Variants in GRIK2 observed in about 807,000 individuals in gnomAD.
GRIK2 encodes glutamate ionotropic receptor kainate type subunit 2, also known as glutamate receptor ionotropic, kainate 2.
In GRIK2, 32 loss-of-function variants were observed where a neutral mutation model predicts 100.3. That is an observed-to-expected ratio of 0.32 (90% CI 0.24 to 0.43). The LOEUF is 0.43. Among genes scored for constraint, GRIK2 ranks in the 20% least tolerant of loss-of-function variants. The pLI is 1.00. For synonymous variants in GRIK2, 417 were observed against 389.4 expected (o/e 1.07, Z -0.83); for missense variants, 843 against 1,114.9 (o/e 0.76, Z 3.47).
At chr6:101,802,529 AT>A (rs1012089928) in intron 9 of GRIK2, 91 bp downstream of exon 9, 2 of 468,726 alleles carry the variant, frequency 4.3e-6, no homozygotes, top group African/African-American at 2.0e-5. Context: ...TTTCATTGAC[AT>A]TTAACTTTAT....
chr6:101,995,458 C>T (rs979996548), intron 14 of GRIK2, among the ~76,000 whole-genome samples: 4 of 151,828 alleles, frequency 2.6e-5, no homozygotes, highest in South Asian at 2.1e-4. Flanking sequence ...AAACTCTTGA[C>T]ATTAATGATA....
intron 2 of GRIK2, among the ~76,000 whole-genome samples, chr6:101,433,178 G>A (rs779495282): frequency 2.0e-5 from 3 of 152,222 alleles, no homozygotes; most frequent in East Asian, 1.9e-4. Context: ...TCTTGTTGCC[G>A]TTGTGAGAAT....
chr6:102,065,579 G>A (rs1342519174), intron 16 of GRIK2, among the ~76,000 whole-genome samples: 1 of 151,288 alleles, frequency 6.6e-6, no homozygotes, highest in Non-Finnish European at 1.5e-5. Flanking sequence ...ACTCTATTCT[G>A]TTTTGAAAGT....
chr6:101,605,476 A>T (rs9404123), intron 2 of GRIK2, among the ~76,000 whole-genome samples: 36,177 of 151,732 alleles, frequency 0.24, 4,755 homozygotes, highest in African/African-American at 0.34. Flanking sequence ...TTAAAATAAA[A>T]TAAAGCTTAA....
intron 7 of GRIK2, among the ~76,000 whole-genome samples, chr6:101,720,437 T>C (rs142522207): frequency 1.3e-5 from 2 of 152,074 alleles, no homozygotes; most frequent in Non-Finnish European, 2.9e-5. Context: ...TTGTTTCTTC[T>C]TAAATATTCA....
At chr6:101,514,551 A>C (rs1774486129) in intron 2 of GRIK2, among the ~76,000 whole-genome samples, 1 of 152,136 alleles carries the variant, frequency 6.6e-6, no homozygotes, top group African/African-American at 2.4e-5. Context: ...GGTTAATAGT[A>C]AAAAGCAAAA....
chr6:101,671,526 C>T (rs893541934), intron 4 of GRIK2, among the ~76,000 whole-genome samples: 3 of 152,024 alleles, frequency 2.0e-5, no homozygotes, highest in Non-Finnish European at 2.9e-5. Context: ...TGTCCTGTAA[C>T]GTCTGGAACA....
chr6:101,582,842 G>C (rs1778167174), intron 2 of GRIK2, among the ~76,000 whole-genome samples: 1 of 152,060 alleles, frequency 6.6e-6, no homozygotes, highest in Non-Finnish European at 1.5e-5. Context: ...TTGAGCAGAG[G>C]AAACCATGTG....
chr6:101,467,275 T>C (rs1771696694), intron 2 of GRIK2, among the ~76,000 whole-genome samples: 1 of 152,206 alleles, frequency 6.6e-6, no homozygotes, highest in African/African-American at 2.4e-5. Context: ...AAGAATTCAT[T>C]TGCATTTTTG....
intron 2 of GRIK2, among the ~76,000 whole-genome samples, chr6:101,558,673 T>A (rs1343641438): frequency 6.6e-6 from 1 of 151,296 alleles, no homozygotes; most frequent in Non-Finnish European, 1.5e-5. Flanking sequence ...TTGCTTCTTT[T>A]TTTTTTTTCT....
intron 2 of GRIK2, among the ~76,000 whole-genome samples, chr6:101,601,135 TTTTA>T (rs1261486513): frequency 6.9e-6 from 1 of 145,602 alleles, no homozygotes. Context: ...TTTTTTTTTT[TTTTA>T]TCATGAAGAG....
intron 16 of GRIK2, among the ~76,000 whole-genome samples, chr6:102,061,580 T>G (rs1192199156): frequency 6.6e-6 from 1 of 150,592 alleles, no homozygotes; most frequent in Non-Finnish European, 1.5e-5. Context: ...CCTTCCTAGA[T>G]AGTAAGCATG....
At chr6:101,553,474 A>G (rs1776604692) in intron 2 of GRIK2, among the ~76,000 whole-genome samples, 1 of 152,208 alleles carries the variant, frequency 6.6e-6, no homozygotes, top group South Asian at 2.1e-4. Context: ...GGTAGCTAGT[A>G]TATGTTCAGT....
At chr6:101,695,303 G>T (rs1339882087) in intron 7 of GRIK2, among the ~76,000 whole-genome samples, 2 of 152,000 alleles carry the variant, frequency 1.3e-5, no homozygotes, top group Non-Finnish European at 2.9e-5. Context: ...GGTCCTTTCA[G>T]CCTGGAGCTC....
intron 2 of GRIK2, among the ~76,000 whole-genome samples, chr6:101,493,981 TTA>T (rs1773285072): frequency 6.9e-6 from 1 of 144,480 alleles, no homozygotes; most frequent in African/African-American, 2.5e-5. Flanking sequence ...AATTTATATA[TTA>T]TATAAAAATT....
rs532326221 is a variant in GRIK2 at position 102,044,880 on chromosome 6, TTA to T, written c.2311+9315_2311+9316del. 1.7e-4 allele frequency among the ~76,000 whole-genome samples: 26 copies of T among 152,158 alleles called. No homozygotes were observed. The South Asian group carries it at 5.4e-3, about 32-fold the overall frequency. ...TTCTTATGCTGACCTTTTCATCTCT[TTA>T]CACACTTTTCCTAGGCTGCCACAGA... On this transcript the variant is annotated intron_variant, in intron 15 of 16. Coordinates refer to ENST00000369134, the MANE Select transcript of GRIK2 (RefSeq NM_021956.5).
chr6:101,452,246 C>T (rs1770745886), intron 2 of GRIK2, among the ~76,000 whole-genome samples: 1 of 151,648 alleles, frequency 6.6e-6, no homozygotes, highest in African/African-American at 2.4e-5. Flanking sequence ...AGTATGGTTC[C>T]TTGATTTAAT....
At chr6:101,983,799 A>T (rs1235604138) in intron 14 of GRIK2, among the ~76,000 whole-genome samples, 2 of 151,752 alleles carry the variant, frequency 1.3e-5, no homozygotes, top group Non-Finnish European at 2.9e-5. Context: ...TGTATTTCTA[A>T]TCCCTTAAAC....
intron 12 of GRIK2, among the ~76,000 whole-genome samples, chr6:101,905,469 G>T (rs1788156260): frequency 6.6e-6 from 1 of 151,502 alleles, no homozygotes; most frequent in Non-Finnish European, 1.5e-5. Flanking sequence ...ATTTGACCAA[G>T]TGTTGTTTGT....
Sources: allele counts gnomAD v4.1 joint callset (sites outside exome capture counted in the v4.1 genomes callset), GRCh38; gene constraint gnomAD v4.1.1; transcripts MANE v1.5; gene names NCBI Gene and HGNC (gene_info 2026-07-23, HGNC 2026-07-21).